The following CAB39L variants were observed in gnomAD, a reference collection of about 807,000 sequenced individuals.
CAB39L encodes calcium binding protein 39 like, also known as calcium-binding protein 39-like.
In CAB39L, 23 loss-of-function variants were observed where a neutral mutation model predicts 39.1. The ratio of observed to expected loss-of-function variants is 0.59; its 90% CI spans 0.42 to 0.83. CAB39L has a LOEUF of 0.83. CAB39L is among the 40% of genes least tolerant of loss of function. The pLI, the probability that CAB39L is intolerant of heterozygous loss-of-function variation, is 0.00. For synonymous variants in CAB39L, 126 were observed against 137.2 expected (o/e 0.92, Z 0.57); for missense variants, 366 against 391.9 (o/e 0.93, Z 0.56).
chr13:49,390,448 A>C (rs1240774860), intron 3 of CAB39L, among the ~76,000 whole-genome samples: 2 of 152,180 alleles, frequency 1.3e-5, no homozygotes, highest in African/African-American at 4.8e-5. Flanking sequence ...GAAGAAAGTC[A>C]TATCAGCTGC....
chr13:49,403,799 T>G (rs897162158), intron 3 of CAB39L, among the ~76,000 whole-genome samples: 1 of 151,474 alleles, frequency 6.6e-6, no homozygotes, highest in African/African-American at 2.4e-5. Context: ...CCCTATAAAC[T>G]CTGGAATGAA....
intron 1 of CAB39L, among the ~76,000 whole-genome samples, chr13:49,439,626 A>G (rs541610506): frequency 6.6e-6 from 1 of 152,320 alleles, no homozygotes; most frequent in African/African-American, 2.4e-5. Context: ...TGCTGGTCAA[A>G]TGGTAGTTCT....
chr13:49,319,801 A>G (rs919949834), intron 10 of CAB39L, among the ~76,000 whole-genome samples: 3 of 151,864 alleles, frequency 2.0e-5, no homozygotes, highest in Non-Finnish European at 4.4e-5. Flanking sequence ...TGGTGACTAC[A>G]TAAATAACTC....
At chr13:49,348,425 G>C (rs989056301) in intron 7 of CAB39L, among the ~76,000 whole-genome samples, 1 of 152,196 alleles carries the variant, frequency 6.6e-6, no homozygotes, top group East Asian at 1.9e-4. Flanking sequence ...AAAATTAGCC[G>C]AGCATGGTGG....
intron 5 of CAB39L, among the ~76,000 whole-genome samples, chr13:49,373,888 T>C (rs1955988945): frequency 6.6e-6 from 1 of 152,236 alleles, no homozygotes; most frequent in Non-Finnish European, 1.5e-5. Flanking sequence ...ATAGATACTT[T>C]AGGCTTGAGA....
chr13:49,315,647 G>A (rs1174532360), intron 10 of CAB39L, among the ~76,000 whole-genome samples: 3 of 152,074 alleles, frequency 2.0e-5, no homozygotes, highest in Non-Finnish European at 4.4e-5. Context: ...AGCAGCGTGG[G>A]AGGCCAAGGC....
chr13:49,331,889 A>C, intron 10 of CAB39L, 58 bp downstream of exon 10: 2 of 1,556,304 alleles, frequency 1.3e-6, no homozygotes, highest in Non-Finnish European at 1.8e-6. Flanking sequence ...GGAGTTTGCC[A>C]TTTGGAACTG....
chr13:49,427,563 C>T (rs1423478883), intron 3 of CAB39L, among the ~76,000 whole-genome samples: 3 of 152,102 alleles, frequency 2.0e-5, no homozygotes, highest in African/African-American at 7.2e-5. Flanking sequence ...GTGGTGCACA[C>T]TTGTAATCCC....
In CAB39L at chr13:49,313,292, T is replaced by A. The variant is rs1335752170; in HGVS notation, c.835-2299A>T. Among the ~76,000 whole-genome samples the A allele has an allele frequency of 2.0e-5, 3 of 152,150 alleles. No individual in the cohort carries two copies. The East Asian group carries it at 5.8e-4, about 29-fold the overall frequency. On this transcript the variant is annotated intron_variant, in intron 10 of 10. Coordinates refer to ENST00000409308, the MANE Select transcript of CAB39L (RefSeq NM_001079670.3). ...GTCAGGAGATCGAGACCATCCTGGC[T>A]AACACGGTGAAATCCCATCTCTACT...
intron 3 of CAB39L, chr13:49,414,241 C>A (rs916816858): frequency 3.1e-4 from 47 of 152,262 alleles, no homozygotes; most frequent in African/African-American, 1.1e-3. Flanking sequence ...ATGAATCATT[C>A]TTTTCAAGAA....
intron 8 of CAB39L, 78 bp from the exon 9 acceptor site, chr13:49,339,820 C>T (rs1954954409): frequency 1.5e-6 from 2 of 1,339,800 alleles, no homozygotes; most frequent in Admixed American, 6.6e-5. Context: ...CTTTCTTTTT[C>T]AGGAGCAAAT....
intron 1 of CAB39L, among the ~76,000 whole-genome samples, chr13:49,443,021 C>A (rs950618908): frequency 1.4e-5 from 2 of 145,848 alleles, no homozygotes; most frequent in Admixed American, 7.0e-5. Flanking sequence ...TCAGCTTGGT[C>A]TTCAGATCCA....
At position 49,310,829 on chromosome 13, in the gene CAB39L, C is replaced by T. The variant is rs1257442080; in HGVS notation, c.999G>A (p.Lys333=). 6.2e-7 allele frequency: 1 copy of T among 1,614,026 alleles called. No homozygotes were observed. Among genetic ancestry groups the T allele is most frequent in the Admixed American group, 1.7e-5 (1 of 60,018 alleles). ...GGGGAGCTCTTCAAGGGGCCGTTTT[C>T]TTCAAGTCTCGGATCTGTTTAATCA... ...NYLIKQIRDL[K]KTAP Residue 333 remains lysine (K), a synonymous_variant, in exon 11 of 11, where the codon AAG becomes AAA. Coordinates refer to ENST00000409308, the MANE Select transcript of CAB39L (RefSeq NM_001079670.3).
chr13:49,320,752 T>TC (rs1345980965), intron 10 of CAB39L, among the ~76,000 whole-genome samples: 1 of 152,234 alleles, frequency 6.6e-6, no homozygotes, highest in Non-Finnish European at 1.5e-5. Flanking sequence ...GGCAACCATG[T>TC]CCTTATTCAT....
chr13:49,350,842 C>A lies in CAB39L; in HGVS notation c.466G>T (p.Ala156Ser). 1 of 1,612,402 alleles carries A rather than the reference C, an allele frequency of 6.2e-7. No homozygotes were observed. Among genetic ancestry groups the A allele is most frequent in the Non-Finnish European group, 8.5e-7 (1 of 1,179,128 alleles). The change falls in exon 7 of 11, where the codon GCC becomes TCC. Residue 156 changes from alanine (A) to serine (S), a missense_variant. Ala to Ser is a moderately conservative substitution (Grantham distance 99). Transcript: ENST00000409308. The stretch of plus-strand genomic sequence containing the variant: ...TGATTAGAAAAGAGGATGATTTTGG[C>A]AAGTGGTTCATGTCGAATACATTCT... The part of the protein sequence containing the change: ...LRECIRHEPL[A>S]KIILFSNQFR...
intron 10 of CAB39L, among the ~76,000 whole-genome samples, chr13:49,315,370 G>T (rs985380289): frequency 1.6e-4 from 24 of 151,974 alleles, no homozygotes; most frequent in African/African-American, 2.4e-4. Flanking sequence ...CTGCTTGGTG[G>T]GTCTACAGCC....
intron 7 of CAB39L, among the ~76,000 whole-genome samples, chr13:49,344,470 T>C (rs1404186180): frequency 1.3e-5 from 2 of 152,126 alleles, no homozygotes; most frequent in African/African-American, 2.4e-5. Flanking sequence ...TTGTTAGATT[T>C]ATGATAGAAA....
At chr13:49,336,016 T>C (rs1232541257) in intron 9 of CAB39L, among the ~76,000 whole-genome samples, 1 of 152,016 alleles carries the variant, frequency 6.6e-6, no homozygotes, top group East Asian at 1.9e-4. Flanking sequence ...ACAGAATCCA[T>C]TTATACAGAA....
chr13:49,323,574 G>A (rs182485642), intron 10 of CAB39L, among the ~76,000 whole-genome samples: 1 of 152,278 alleles, frequency 6.6e-6, no homozygotes, highest in Non-Finnish European at 1.5e-5. Context: ...GACTTCCCAG[G>A]GGAAGCCGCC....
Sources: gnomAD v4.1 joint callset for allele counts (sites outside exome capture counted in the v4.1 genomes callset) on GRCh38, gnomAD v4.1.1 for gene constraint, MANE v1.5 for transcripts, NCBI Gene and HGNC (gene_info 2026-07-23, HGNC 2026-07-21) for gene names.